The following EGF variants were observed in gnomAD, a reference collection of about 807,000 sequenced individuals.
EGF encodes pro-epidermal growth factor.
A neutral mutation model predicts 143.8 loss-of-function variants in EGF; 95 were observed. That is an observed-to-expected ratio of 0.66 (90% CI 0.56 to 0.78). The LOEUF (loss-of-function observed/expected upper bound fraction) is 0.78. Among genes scored for constraint, EGF ranks in the 30% least tolerant of loss-of-function variants. The pLI is 0.00. For synonymous variants in EGF, 510 were observed against 510.5 expected (o/e 1.00, Z 0.01); for missense variants, 1,320 against 1,470.9 (o/e 0.90, Z 1.68).
intron 20 of EGF, among the ~76,000 whole-genome samples, chr4:109,999,086 C>G (rs1211374346): frequency 6.6e-6 from 1 of 152,122 alleles, no homozygotes; most frequent in Non-Finnish European, 1.5e-5. Context: ...AGCTTTTTCT[C>G]TCATTGAAGA....
chr4:109,919,308 TC>T (rs1560623060), intron 1 of EGF, among the ~76,000 whole-genome samples: 30 of 145,554 alleles, frequency 2.1e-4, no homozygotes, highest in African/African-American at 5.6e-4. Flanking sequence ...TCTCTCTCTC[TC>T]TCTCTCTCTC....
intron 19 of EGF, 75 bp from the exon 20 acceptor site, chr4:109,994,658 A>G: frequency 6.6e-7 from 1 of 1,513,280 alleles, no homozygotes; most frequent in South Asian, 1.1e-5. Flanking sequence ...ATTCACAGAA[A>G]CTAGTTCCTC....
intron 12 of EGF, among the ~76,000 whole-genome samples, chr4:109,975,204 G>A (rs1292056952): frequency 6.6e-6 from 1 of 152,178 alleles, no homozygotes; most frequent in East Asian, 1.9e-4. Flanking sequence ...ACAGAAAACA[G>A]AAACTGTGAA....
chr4:109,990,199 G>C (rs1188544794), intron 18 of EGF, among the ~76,000 whole-genome samples: 3 of 152,084 alleles, frequency 2.0e-5, no homozygotes, highest in Non-Finnish European at 4.4e-5. Context: ...CCCCTATTAA[G>C]AATAAGGCCA....
chr4:109,959,488 G>C, intron 6 of EGF, 51 bp downstream of exon 6: 1 of 1,610,856 alleles, frequency 6.2e-7, no homozygotes, highest in Non-Finnish European at 8.5e-7. Flanking sequence ...TGCTTGAGGG[G>C]AGGAATGCTC....
intron 1 of EGF, among the ~76,000 whole-genome samples, chr4:109,929,361 C>A (rs1242258252): frequency 6.6e-6 from 1 of 152,090 alleles, no homozygotes; most frequent in Non-Finnish European, 1.5e-5. Context: ...CTAGTGTTCT[C>A]CAATTGAATG....
intron 18 of EGF, among the ~76,000 whole-genome samples, chr4:109,990,323 A>C (rs941047077): frequency 6.6e-6 from 1 of 152,246 alleles, no homozygotes; most frequent in Admixed American, 6.5e-5. Flanking sequence ...AGTGCACATC[A>C]TAAGAGAAGT....
intron 22 of EGF, among the ~76,000 whole-genome samples, chr4:110,007,322 T>G (rs1187181474): frequency 6.6e-6 from 1 of 152,218 alleles, no homozygotes; most frequent in East Asian, 1.9e-4. Context: ...AGCGCCCATT[T>G]CTGAACCAAT....
In EGF at chr4:110,009,127, C is replaced by T. The variant is rs554514666; in HGVS notation, c.3370+897C>T. On this transcript the variant is annotated intron_variant, in intron 23 of 23. Transcript: ENST00000265171. ...TTTTGGAAAACTCACTCTAAATTCC[C>T]TTCTCATACCTATGTTGCCATGAAA... 3.0e-4 allele frequency among the ~76,000 whole-genome samples: 45 copies of T among 152,142 alleles called. 1 individual carries two copies. Among genetic ancestry groups the T allele is most frequent in the Admixed American group, 2.6e-3 (39 of 15,266 alleles).
At chr4:109,969,540 C>A (rs1185302817) in intron 11 of EGF, among the ~76,000 whole-genome samples, 2 of 151,782 alleles carry the variant, frequency 1.3e-5, no homozygotes, top group East Asian at 3.9e-4. Context: ...CACCATGGCA[C>A]ATGTATATCT....
rs778487034 is a variant in EGF at position 109,987,814 on chromosome 4, A to G, written c.2562A>G (p.Thr854=). 18 of 1,613,886 alleles carry G rather than the reference A, an allele frequency of 1.1e-5. No individual in the cohort carries two copies. In the East Asian group the frequency reaches 2.2e-4, roughly 20 times the overall value. ...GTATTTCAGAGGGAGAGGATGCCAC[A>G]TGTCAGTGTTTGAAAGGATTTGCTG... ...ARCISEGEDA[T]CQCLKGFAGD... Residue 854 remains threonine, a synonymous_variant, in exon 17 of 24, where the codon ACA becomes ACG. Coordinates refer to ENST00000265171, the MANE Select transcript of EGF (RefSeq NM_001963.6).
chr4:109,951,549 AG>A (rs1204732466), intron 5 of EGF, among the ~76,000 whole-genome samples: 1 of 152,234 alleles, frequency 6.6e-6, no homozygotes, highest in African/African-American at 2.4e-5. Flanking sequence ...TGGCTCACAG[AG>A]ATGCCATAAT....
At chr4:109,923,859 G>T (rs928187106) in intron 1 of EGF, among the ~76,000 whole-genome samples, 1 of 151,462 alleles carries the variant, frequency 6.6e-6, no homozygotes, top group Admixed American at 6.6e-5. Flanking sequence ...GGGCCCAAGA[G>T]AGCCACCCAC....
At chr4:109,926,414 G>T (rs1738669299) in intron 1 of EGF, among the ~76,000 whole-genome samples, 1 of 151,098 alleles carries the variant, frequency 6.6e-6, no homozygotes, top group South Asian at 2.1e-4. Context: ...GAGTGCAGTG[G>T]CGCGATCTCG....
At chr4:109,986,051 G>T (rs529801047) in intron 16 of EGF, among the ~76,000 whole-genome samples, 3 of 152,076 alleles carry the variant, frequency 2.0e-5, no homozygotes, top group Admixed American at 2.0e-4. Context: ...ATGAAAAATA[G>T]ACCTGGCAGA....
chr4:109,983,574 G>T (rs1276594738), intron 16 of EGF, 33 bp downstream of exon 16: 3 of 1,612,398 alleles, frequency 1.9e-6, no homozygotes, highest in African/African-American at 1.3e-5. Flanking sequence ...TATACCTTTG[G>T]TTCCAACAGT....
chr4:110,001,429 T>C (rs1752560444), intron 21 of EGF, among the ~76,000 whole-genome samples: 2 of 152,218 alleles, frequency 1.3e-5, no homozygotes, highest in African/African-American at 2.4e-5. Flanking sequence ...ATCAATAACA[T>C]TGTAATTTTT....
intron 15 of EGF, among the ~76,000 whole-genome samples, chr4:109,981,732 G>GCCTCT (rs1377517738): frequency 2.0e-5 from 3 of 152,066 alleles, no homozygotes; most frequent in African/African-American, 7.2e-5. Flanking sequence ...GAAAAAAAGA[G>GCCTCT]GCTAGTTTCA....
Position 109,980,862 on chromosome 4 carries a change from A to C in EGF, c.2258A>C (p.Glu753Ala), listed in dbSNP as rs1306007734. Residue 753 changes from glutamate to alanine, a missense_variant, in exon 15 of 24, where the codon GAA (glutamate) becomes GCA (alanine). Glu to Ala is a moderately radical substitution (Grantham distance 107). Transcript: ENST00000265171. ...TGCTTATATCAAAACGGAGGCTGTG[A>C]ACATATTTGCAAAAAGAGGCTTGGA... ...DPCLYQNGGC[E>A]HICKKRLGTA... is the part of the protein sequence containing the mutation. 2 of 1,614,106 alleles carry C rather than the reference A, an allele frequency of 1.2e-6. No homozygotes were observed.
Sources: allele counts gnomAD v4.1 joint callset (sites outside exome capture counted in the v4.1 genomes callset), GRCh38; gene constraint gnomAD v4.1.1; transcripts MANE v1.5; gene names NCBI Gene and HGNC (gene_info 2026-07-23, HGNC 2026-07-21).